SLC36A1: variants seen among roughly 807,000 people sequenced by gnomAD.
SLC36A1 encodes the protein solute carrier family 36 member 1, also known as proton-coupled amino acid transporter 1.
Under a neutral mutation model 47.5 loss-of-function variants are expected in SLC36A1, and 30 were observed. That is an observed-to-expected ratio of 0.63 (90% CI 0.47 to 0.86). SLC36A1 has a LOEUF of 0.86. Ranked by LOEUF, SLC36A1 falls within the 40% of genes least tolerant of loss-of-function variation. The pLI, the probability that SLC36A1 is intolerant of heterozygous loss-of-function variation, is 0.00. For missense variants in SLC36A1, 517 were observed against 606.0 expected (o/e 0.85, Z 1.54); for synonymous variants, 255 against 249.7 (o/e 1.02, Z -0.20).
At chr5:151,503,129 TCTGC>T in the SLC36A1 span, among the ~76,000 whole-genome samples, 13 of 147,742 alleles carry the variant, frequency 8.8e-5, 1 homozygote, top group African/African-American at 3.5e-4. Context: ...AGTGAAACCA[TCTGC>T]AAGAGCCTGT....
chr5:151,441,631 C>T (rs530019815), intron 1 of SLC36A1, among the ~76,000 whole-genome samples: 16 of 152,240 alleles, frequency 1.1e-4, no homozygotes, highest in African/African-American at 3.9e-4. Context: ...ACAATACACA[C>T]ATGCTGGCAC....
intron 2 of SLC36A1, 22 bp downstream of exon 2, chr5:151,458,957 C>G (rs889974002): frequency 9.4e-6 from 15 of 1,593,094 alleles, no homozygotes; most frequent in Non-Finnish European, 1.2e-5. Flanking sequence ...TTACCTTCTC[C>G]TCTCCTGGGT....
chr5:151,511,828 T>A, the SLC36A1 span: 5 of 244,726 alleles, frequency 2.0e-5, no homozygotes, highest in South Asian at 3.5e-4. Flanking sequence ...GGGAAGGGAG[T>A]GGAATATAAG....
At chr5:151,477,551 C>G (rs914133400) in intron 9 of SLC36A1, 1 of 152,346 alleles carries the variant, frequency 6.6e-6, no homozygotes, top group Non-Finnish European at 1.5e-5. Flanking sequence ...TGAAATTGAG[C>G]ACATTCAGAA....
the SLC36A1 span, among the ~76,000 whole-genome samples, chr5:151,501,989 A>T: frequency 6.7e-6 from 1 of 148,470 alleles, no homozygotes; most frequent in African/African-American, 2.6e-5. Flanking sequence ...CATTCTGTAT[A>T]AAAGAAATAA....
At chr5:151,492,748 A>G (rs369523696), downstream of SLC36A1, among the ~76,000 whole-genome samples, 7 of 152,346 alleles carry the variant, frequency 4.6e-5, no homozygotes, top group East Asian at 9.6e-4. Context: ...TATTTTGTAA[A>G]TGTGGTTAAC....
At chr5:151,545,187 G>T in the SLC36A1 span, 1 of 1,614,192 alleles carries the variant, frequency 6.2e-7, no homozygotes, top group Non-Finnish European at 8.5e-7. Flanking sequence ...TGTCCTGCAA[G>T]TTCTCCTTCA....
At chr5:151,506,147 TTC>T in the SLC36A1 span, 6 of 1,488,212 alleles carry the variant, frequency 4.0e-6, no homozygotes, top group African/African-American at 8.4e-5. Flanking sequence ...CCCGGAAGGT[TTC>T]AGCTGGCTCT....
At chr5:151,464,426 A>C (rs1010962153) in intron 3 of SLC36A1, 88 bp from the exon 4 acceptor site, 1 of 1,185,074 alleles carries the variant, frequency 8.4e-7, no homozygotes, top group Admixed American at 1.8e-5. Flanking sequence ...GTAGCTTTTT[A>C]ATCCTTTGTG....
chr5:151,463,654 G>A lies in SLC36A1; in HGVS notation c.234+11G>A. On this transcript the variant is annotated intron_variant, in intron 3 of 10. Coordinates refer to ENST00000243389, the MANE Select transcript of SLC36A1 (RefSeq NM_078483.4). Reference sequence around the variant, plus strand: ...AATGCAGGCATCGTGGTAAGGGTCTGCATCAGTGGAGAGGAGTGGTGACAA... The same window carrying A: ...AATGCAGGCATCGTGGTAAGGGTCTACATCAGTGGAGAGGAGTGGTGACAA... 1 of 1,611,022 alleles carries A rather than the reference G, an allele frequency of 6.2e-7. No homozygotes were observed. The highest frequency in any genetic ancestry group is 8.5e-7 in the Non-Finnish European group (1 of 1,177,192).
chr5:151,542,866 G>A, the SLC36A1 span: 2 of 1,614,116 alleles, frequency 1.2e-6, no homozygotes, highest in Non-Finnish European at 1.7e-6. Flanking sequence ...GTGGTCCATG[G>A]GCTTCCTCAC....
In SLC36A1 at chr5:151,465,086, C is replaced by A; in HGVS notation, c.336C>A (p.Ser112=). Residue 112 remains serine, a synonymous_variant, in exon 5 of 11, where the codon TCC becomes TCA. Transcript: ENST00000243389. ...AHHFCRRLNK[S]FVDYGDTVMY... ...CCTACTCTTCCAGGCTGAATAAATC[C>A]TTTGTGGATTATGGTGATACTGTGA... 6.2e-7 allele frequency: 1 copy of A among 1,613,758 alleles called. No individual in the cohort carries two copies. Among genetic ancestry groups the A allele is most frequent in the Non-Finnish European group, 8.5e-7 (1 of 1,179,702 alleles).
the SLC36A1 span, among the ~76,000 whole-genome samples, chr5:151,503,280 T>G: frequency 2.0e-5 from 3 of 148,058 alleles, no homozygotes; most frequent in South Asian, 6.2e-4. Context: ...ACTATACCAT[T>G]CTGGTGGGGA....
chr5:151,529,463 GC>G, the SLC36A1 span: 1 of 1,366,150 alleles, frequency 7.3e-7, no homozygotes, highest in Non-Finnish European at 1.0e-6. Context: ...GAGGGTCTGA[GC>G]CCAGCCCTAG....
At chr5:151,427,959 G>T in the SLC36A1 span, among the ~76,000 whole-genome samples, 2 of 152,128 alleles carry the variant, frequency 1.3e-5, no homozygotes, top group Admixed American at 6.5e-5. Context: ...GTCAAAATGG[G>T]TGTCCAGAGG....
At chr5:151,389,146 T>G in the SLC36A1 span, among the ~76,000 whole-genome samples, 100 of 152,306 alleles carry the variant, frequency 6.6e-4, no homozygotes, top group African/African-American at 2.3e-3. Flanking sequence ...CTGTCTGGCC[T>G]GGTTACAATG....
At chr5:151,548,606 G>A in the SLC36A1 span, among the ~76,000 whole-genome samples, 1 of 151,988 alleles carries the variant, frequency 6.6e-6, no homozygotes, top group African/African-American at 2.4e-5. Context: ...TCAGCCTCCC[G>A]AGTAGCTGGG....
chr5:151,349,292 G>A, the SLC36A1 span, among the ~76,000 whole-genome samples: 1 of 152,058 alleles, frequency 6.6e-6, no homozygotes, highest in East Asian at 1.9e-4. Context: ...TTTGGCCAGA[G>A]CTCTTCCCAG....
At chr5:151,549,638 ATGT>A in the SLC36A1 span, 8 of 679,908 alleles carry the variant, frequency 1.2e-5, no homozygotes, top group African/African-American at 1.3e-4. Flanking sequence ...ATTCTTTTAA[ATGT>A]TGTTCTAATC....
Sources: allele counts gnomAD v4.1 joint callset (sites outside exome capture counted in the v4.1 genomes callset), GRCh38; gene constraint gnomAD v4.1.1; transcripts MANE v1.5; gene names NCBI Gene and HGNC (gene_info 2026-07-23, HGNC 2026-07-21).